GLT1D1: variants seen among roughly 807,000 people sequenced by gnomAD.
GLT1D1 encodes glycosyltransferase 1 domain-containing protein 1.
A neutral mutation model predicts 28.7 loss-of-function variants in GLT1D1; 21 were observed. That is an observed-to-expected ratio of 0.73 (90% CI 0.52 to 1.05). The LOEUF (loss-of-function observed/expected upper bound fraction) is 1.05. Ranked by LOEUF, GLT1D1 falls within the 50% of genes least tolerant of loss-of-function variation. The probability of loss-of-function intolerance (pLI) is 0.00; values close to 1 mark genes in which losing one functional copy is unlikely to be tolerated. For missense variants in GLT1D1, 343 were observed against 330.6 expected, an observed-to-expected ratio of 1.04 and a Z score of -0.29; for synonymous variants, 147 against 124.8, an observed-to-expected ratio of 1.18 and a Z score of -1.19.
intron 3 of GLT1D1, among the ~76,000 whole-genome samples, chr12:128,892,961 C>T (rs1869227989): frequency 6.6e-6 from 1 of 151,940 alleles, no homozygotes; most frequent in African/African-American, 2.4e-5. Flanking sequence ...AGAAAATATT[C>T]TTGGCCAGGC....
Position 128,945,363 on chromosome 12 carries a change from T to G in GLT1D1, c.413T>G (p.Val138Gly), listed in dbSNP as rs1160042003. The change falls in exon 5 of 8, where the codon GTG becomes GGG. Residue 138 changes from valine (V) to glycine (G), a missense_variant. Val to Gly is a moderately radical substitution (Grantham distance 109). Transcript: ENST00000281703. The stretch of plus-strand genomic sequence containing the variant: ...TTTACAAGGGAAGTGAAAGCCAAAG[T>G]GAAAAGGTAAGAGTTGGTGGAGACC... 6.2e-7 allele frequency: 1 copy of G among 1,613,756 alleles called. No individual in the cohort carries two copies. The highest frequency in any genetic ancestry group is 8.5e-7 in the Non-Finnish European group (1 of 1,179,680).
intron 4 of GLT1D1, among the ~76,000 whole-genome samples, chr12:128,910,407 A>G (rs1871387318): frequency 6.6e-6 from 1 of 151,156 alleles, no homozygotes; most frequent in Admixed American, 6.7e-5. Flanking sequence ...CCTTATATTT[A>G]TCTAGGATTA....
chr12:128,979,659 G>A (rs112121934), intron 7 of GLT1D1, among the ~76,000 whole-genome samples: 2,537 of 152,260 alleles, frequency 0.017, 78 homozygotes, highest in African/African-American at 0.058. Flanking sequence ...AGGCTGAGGT[G>A]GGAGGATCTC....
rs1346356445 is a variant in GLT1D1 at position 128,875,992 on chromosome 12, C to T, written c.147C>T (p.Asn49=). The T allele has an allele frequency of 1.2e-6, 2 of 1,613,932 alleles. No individual in the cohort carries two copies. The highest frequency in any genetic ancestry group is 1.1e-5 in the South Asian group (1 of 91,080). The change falls in exon 2 of 8, where the codon AAC becomes AAT. Residue 49 remains asparagine, a synonymous_variant. Coordinates refer to ENST00000281703, the MANE Select transcript of GLT1D1 (RefSeq NM_144669.3). ...TTGAAAGCCGATCTGAGATTGCAAA[C>T]CTCATCTTGGCTGAGAACTGCGAGG...
Position 128,938,872 on chromosome 12 carries a change from A to T in GLT1D1, c.376-6454A>T, listed in dbSNP as rs908425098. Among the ~76,000 whole-genome samples the T allele has an allele frequency of 1.1e-4, 16 of 152,146 alleles. No individual in the cohort carries two copies. The East Asian group carries it at 2.9e-3, about 27-fold the overall frequency. On this transcript the variant is annotated intron_variant, in intron 4 of 7. Transcript: ENST00000281703. Reference sequence around the variant, plus strand: ...TTTTCAGTATTTTAAAATTCTATTCATTGTCGATAAGACCAGGAGAGGCAT... The same window carrying T: ...TTTTCAGTATTTTAAAATTCTATTCTTTGTCGATAAGACCAGGAGAGGCAT...
chr12:128,862,040 C>T (rs953385342), intron 1 of GLT1D1, among the ~76,000 whole-genome samples: 2 of 152,138 alleles, frequency 1.3e-5, no homozygotes, highest in African/African-American at 4.8e-5. Flanking sequence ...CCAAAGATAG[C>T]CATTGAGGCC....
intron 7 of GLT1D1, among the ~76,000 whole-genome samples, chr12:128,978,514 AG>A (rs1880011477): frequency 6.6e-6 from 1 of 152,032 alleles, no homozygotes; most frequent in African/African-American, 2.4e-5. Context: ...CAGAGGCTGG[AG>A]GGGGCAGTCG....
intron 1 of GLT1D1, among the ~76,000 whole-genome samples, chr12:128,871,940 T>C (rs1348914066): frequency 1.3e-5 from 2 of 152,054 alleles, no homozygotes; most frequent in East Asian, 1.9e-4. Context: ...TTTTAATTTA[T>C]TTTTTATTTT....
At chr12:128,941,905 CTTTTTT>C (rs60663875) in intron 4 of GLT1D1, among the ~76,000 whole-genome samples, 3 of 75,366 alleles carry the variant, frequency 4.0e-5, no homozygotes, top group African/African-American at 1.7e-4. Flanking sequence ...CTCTCTCTCT[CTTTTTT>C]TTTTTTTTTT....
At chr12:128,904,371 A>G (rs1351660910) in intron 4 of GLT1D1, among the ~76,000 whole-genome samples, 3 of 151,854 alleles carry the variant, frequency 2.0e-5, no homozygotes, top group African/African-American at 7.3e-5. Flanking sequence ...GAGGGGTTTA[A>G]GAGCGTTCAT....
rs73438354 is a variant in GLT1D1, at chr12:128,873,453, C to G, written c.69-2461C>G. Among the ~76,000 whole-genome samples the G allele has an allele frequency of 3.4e-3, 512 of 152,240 alleles. 4 individuals carry two copies. The highest frequency in any genetic ancestry group is 0.012 in the African/African-American group (493 of 41,550). ...ATGCACGGTGAGGTAGTTTTTTGGTCTTTTTGCTACTTCACAGCTGCAGTG... is the reference window on the plus strand; with the variant it reads ...ATGCACGGTGAGGTAGTTTTTTGGTGTTTTTGCTACTTCACAGCTGCAGTG... On this transcript the variant is annotated intron_variant, in intron 1 of 7. Transcript: ENST00000281703.
intron 2 of GLT1D1, among the ~76,000 whole-genome samples, chr12:128,879,378 T>TTCTTTCTTTCTTTCTTTC (rs200811517): frequency 1.4e-5 from 1 of 69,896 alleles, no homozygotes; most frequent in African/African-American, 5.4e-5. Context: ...ATTTTTTTCT[T>TTCTTTCTTTCTTTCTTTC]TTTCTTTCTT....
chr12:128,873,382 G>T (rs1641605639), intron 1 of GLT1D1, among the ~76,000 whole-genome samples: 1 of 152,164 alleles, frequency 6.6e-6, no homozygotes, highest in Non-Finnish European at 1.5e-5. Context: ...GATGGCAAAA[G>T]AACATGATTA....
intron 2 of GLT1D1, among the ~76,000 whole-genome samples, chr12:128,885,476 G>T (rs750668215): frequency 5.9e-5 from 9 of 152,190 alleles, no homozygotes; most frequent in Non-Finnish European, 1.2e-4. Context: ...ACCCGCCTCG[G>T]CCTTCCAAAG....
intron 6 of GLT1D1, among the ~76,000 whole-genome samples, chr12:128,951,345 G>A (rs1303434140): frequency 6.6e-6 from 1 of 152,174 alleles, no homozygotes; most frequent in African/African-American, 2.4e-5. Context: ...GAAGGTTGCA[G>A]TAAACTGAGA....
intron 6 of GLT1D1, among the ~76,000 whole-genome samples, chr12:128,955,706 T>C (rs951948493): frequency 2.0e-5 from 3 of 152,102 alleles, no homozygotes; most frequent in African/African-American, 7.2e-5. Flanking sequence ...GGGTTGGATT[T>C]ACATCCTATT....
intron 3 of GLT1D1, among the ~76,000 whole-genome samples, chr12:128,889,150 T>A (rs1033396930): frequency 1.2e-4 from 18 of 152,018 alleles, no homozygotes; most frequent in African/African-American, 4.3e-4. Flanking sequence ...AAAACAAGTG[T>A]TCTGGATGTA....
chr12:128,890,221 C>G (rs1227728427), intron 3 of GLT1D1, among the ~76,000 whole-genome samples: 2 of 151,864 alleles, frequency 1.3e-5, no homozygotes, highest in Non-Finnish European at 2.9e-5. Context: ...TTTCTTCAGC[C>G]CTTGTCTGTC....
rs61498838 is a variant in GLT1D1, at chr12:128,946,635, C to CT, written c.420-672dup. Among the ~76,000 whole-genome samples, 56 of 64,214 alleles carry CT rather than the reference C, an allele frequency of 8.7e-4. 4 individuals carry two copies. Among genetic ancestry groups the CT allele is most frequent in the African/African-American group, 2.8e-3 (38 of 13,594 alleles). The allele number at this position is 64,214 out of a possible 152,430, so 42.1% of individuals were successfully genotyped here. A position where few individuals can be genotyped will look rare whatever the true frequency, so the allele number is the denominator to read the frequency against. On this transcript the variant is annotated intron_variant, in intron 5 of 7. Coordinates refer to ENST00000281703, the MANE Select transcript of GLT1D1 (RefSeq NM_144669.3). The stretch of plus-strand genomic sequence containing the variant: ...GGCGTGAGCCACTGCGCCCGGCCTC[C>CT]TTTTTTTTTTTTTTTTTTTTTTTTT...
Sources: allele counts gnomAD v4.1 joint callset (sites outside exome capture counted in the v4.1 genomes callset), GRCh38; gene constraint gnomAD v4.1.1; transcripts MANE v1.5; gene names NCBI Gene and HGNC (gene_info 2026-07-23, HGNC 2026-07-21).